The following ALPK1 variants were observed in gnomAD, a reference collection of about 807,000 sequenced individuals.
ALPK1 encodes the protein alpha kinase 1, also known as alpha-protein kinase 1.
In ALPK1, 110 loss-of-function variants were observed where a neutral mutation model predicts 120.6. The observed-to-expected ratio is 0.91, with a 90% CI of 0.78 to 1.07. ALPK1 has a LOEUF of 1.07. Among genes scored for constraint, ALPK1 ranks in the 50% least tolerant of loss-of-function variants. The pLI is 0.00. For missense variants in ALPK1, 1,498 were observed against 1,483.9 expected, an observed-to-expected ratio of 1.01 and a Z score of -0.16; for synonymous variants, 582 against 560.3, an observed-to-expected ratio of 1.04 and a Z score of -0.55.
chr4:112,435,358 G>C, intron 12 of ALPK1, 57 bp downstream of exon 12: 1 of 1,526,824 alleles, frequency 6.5e-7, no homozygotes, highest in East Asian at 2.3e-5. Context: ...TTGCTCTTCT[G>C]TTAAGTAATC....
At chr4:112,377,261 G>T (rs546738214) in intron 2 of ALPK1, among the ~76,000 whole-genome samples, 1 of 152,326 alleles carries the variant, frequency 6.6e-6, no homozygotes, top group East Asian at 1.9e-4. Context: ...GAAATCAGCA[G>T]TGGGTTATTA....
intron 4 of ALPK1, 88 bp from the exon 5 acceptor site, chr4:112,411,739 A>G (rs954824971): frequency 7.1e-6 from 9 of 1,270,044 alleles, no homozygotes; most frequent in Admixed American, 2.1e-5. Flanking sequence ...GTTTTGTTGT[A>G]TTAATGAAAA....
intron 10 of ALPK1, 48 bp from the exon 11 acceptor site, chr4:112,430,400 T>A (rs1734483569): frequency 6.7e-7 from 1 of 1,482,542 alleles, no homozygotes; most frequent in Admixed American, 2.2e-5. Context: ...CTGATTCACT[T>A]GCAGTTTTCA....
intron 2 of ALPK1, among the ~76,000 whole-genome samples, chr4:112,324,255 A>T (rs925448525): frequency 1.2e-4 from 18 of 150,010 alleles, no homozygotes; most frequent in African/African-American, 4.4e-4. Context: ...TGAACCTGGG[A>T]GGCGGAGCTT....
chr4:112,434,073 T>C (rs1408518674), intron 11 of ALPK1, among the ~76,000 whole-genome samples: 3 of 152,248 alleles, frequency 2.0e-5, no homozygotes, highest in Non-Finnish European at 4.4e-5. Flanking sequence ...AATAGGGTTT[T>C]CTTACTAACT....
intron 1 of ALPK1, among the ~76,000 whole-genome samples, chr4:112,309,227 C>T (rs1178521152): frequency 1.3e-5 from 2 of 152,146 alleles, no homozygotes; most frequent in East Asian, 1.9e-4. Context: ...TCTGTCTGTT[C>T]TCAGATCTCA....
chr4:112,311,981 GT>G (rs72030167), intron 1 of ALPK1, among the ~76,000 whole-genome samples: 10 of 151,936 alleles, frequency 6.6e-5, no homozygotes, highest in African/African-American at 2.2e-4. Context: ...GGGTCACAGT[GT>G]TTTTTTTCTA....
chr4:112,417,656 G>C (rs2148753434), intron 5 of ALPK1, among the ~76,000 whole-genome samples: 1 of 152,206 alleles, frequency 6.6e-6, no homozygotes, highest in Non-Finnish European at 1.5e-5. Context: ...CAGCTAACTT[G>C]TTTATTTTCT....
At chr4:112,439,103 T>G (rs1028658373) in intron 13 of ALPK1, among the ~76,000 whole-genome samples, 3 of 152,190 alleles carry the variant, frequency 2.0e-5, no homozygotes, top group African/African-American at 7.2e-5. Context: ...ATATTCCCAT[T>G]GAGTTTTCTC....
At chr4:112,297,527 A>T (rs981828190) in intron 1 of ALPK1, 58 bp downstream of exon 1, 2 of 152,034 alleles carry the variant, frequency 1.3e-5, no homozygotes, top group African/African-American at 4.8e-5. Flanking sequence ...ATGAGGAAGT[A>T]TTTGTCTTAA....
intron 2 of ALPK1, chr4:112,359,219 G>A: frequency 1.7e-6 from 1 of 584,920 alleles, no homozygotes; most frequent in Non-Finnish European, 3.1e-6. Flanking sequence ...GCCACCCACA[G>A]TGGGGGTCCA....
chr4:112,405,552 C>G (rs1348063736), intron 4 of ALPK1, among the ~76,000 whole-genome samples: 1 of 152,040 alleles, frequency 6.6e-6, no homozygotes, highest in African/African-American at 2.4e-5. Flanking sequence ...GTGACTTCAG[C>G]CCCAGCTTTA....
intron 1 of ALPK1, among the ~76,000 whole-genome samples, chr4:112,308,590 C>T (rs1257196999): frequency 1.3e-5 from 2 of 152,098 alleles, no homozygotes; most frequent in Non-Finnish European, 2.9e-5. Flanking sequence ...CCATGGTTTT[C>T]AGCTCCATCA....
At chr4:112,387,805 G>A (rs1732219836) in intron 4 of ALPK1, among the ~76,000 whole-genome samples, 1 of 152,090 alleles carries the variant, frequency 6.6e-6, no homozygotes, top group South Asian at 2.1e-4. Context: ...TAAGTTCAGG[G>A]CTACACATGC....
At chr4:112,378,241 C>A (rs557542599) in intron 3 of ALPK1, among the ~76,000 whole-genome samples, 1 of 152,276 alleles carries the variant, frequency 6.6e-6, no homozygotes, top group South Asian at 2.1e-4. Context: ...TGAATGGTGG[C>A]ACATACTTTT....
chr4:112,323,869 T>C (rs1014449488), intron 2 of ALPK1, among the ~76,000 whole-genome samples: 1 of 152,198 alleles, frequency 6.6e-6, no homozygotes, highest in Non-Finnish European at 1.5e-5. Context: ...GTACCCATAG[T>C]ACATCAAGCA....
chr4:112,359,849 C>T (rs1730836926), intron 2 of ALPK1: 1 of 337,194 alleles, frequency 3.0e-6, no homozygotes, highest in African/African-American at 2.2e-5. Context: ...GCATGCCCAG[C>T]GTGGCTTGAT....
At chr4:112,306,547 A>G (rs1366832160) in intron 1 of ALPK1, among the ~76,000 whole-genome samples, 1 of 152,028 alleles carries the variant, frequency 6.6e-6, no homozygotes, top group Non-Finnish European at 1.5e-5. Context: ...AGAGGTGTTT[A>G]TAGTATTCTC....
chr4:112,432,425 T>G lies in ALPK1; in HGVS notation c.2878T>G (p.Ser960Ala), dbSNP rs1211296178. The change falls in exon 11 of 16, where the codon TCA (serine) becomes GCA (alanine). Residue 960 changes from serine to alanine, a missense_variant. Physicochemically the swap from Ser to Ala is moderately conservative, Grantham distance 99. Coordinates refer to ENST00000650871, the MANE Select transcript of ALPK1 (RefSeq NM_025144.4). ...YLNSSGSSWVSLPGKMRKEIL... is the reference protein window; with the variant it reads ...YLNSSGSSWVALPGKMRKEIL... ...GAATTCCAGTGGGAGTTCTTGGGTTTCATTGCCGGGAAAGATGAGGAAAGA... is the reference window on the plus strand; with the variant it reads ...GAATTCCAGTGGGAGTTCTTGGGTTGCATTGCCGGGAAAGATGAGGAAAGA... 6.2e-7 allele frequency: 1 copy of G among 1,614,120 alleles called. No homozygotes were observed. The highest frequency in any genetic ancestry group is 2.2e-5 in the East Asian group (1 of 44,870).
Sources: allele counts gnomAD v4.1 joint callset (sites outside exome capture counted in the v4.1 genomes callset), GRCh38; gene constraint gnomAD v4.1.1; transcripts MANE v1.5; gene names NCBI Gene and HGNC (gene_info 2026-07-23, HGNC 2026-07-21).